TRIM24: variants seen among roughly 807,000 people sequenced by gnomAD.
TRIM24 encodes tripartite motif containing 24, also known as transcription intermediary factor 1-alpha.
A neutral mutation model predicts 123.9 loss-of-function variants in TRIM24; 29 were observed. The ratio of observed to expected loss-of-function variants is 0.23; its 90% CI spans 0.17 to 0.32. The LOEUF is 0.32. Among genes scored for constraint, TRIM24 ranks in the 10% least tolerant of loss-of-function variants. TRIM24 has a pLI of 1.00. For missense variants in TRIM24, 932 were observed against 1,295.3 expected (o/e 0.72, Z 4.31); for synonymous variants, 456 against 461.1 (o/e 0.99, Z 0.14).
chr7:138,560,445 G>A (rs530138799), intron 9 of TRIM24, among the ~76,000 whole-genome samples: 3 of 152,166 alleles, frequency 2.0e-5, no homozygotes, highest in East Asian at 1.9e-4. Flanking sequence ...TAACATGTAC[G>A]GATAGCCTCT....
chr7:138,557,543 T>G (rs1797339893), intron 9 of TRIM24, among the ~76,000 whole-genome samples: 1 of 152,158 alleles, frequency 6.6e-6, no homozygotes, highest in Admixed American at 6.6e-5. Flanking sequence ...AGGTTTTAAA[T>G]CCTCTGAGGG....
At chr7:138,510,364 T>C (rs1178529447) in intron 2 of TRIM24, among the ~76,000 whole-genome samples, 1 of 152,188 alleles carries the variant, frequency 6.6e-6, no homozygotes, top group African/African-American at 2.4e-5. Context: ...GTTATATGTA[T>C]GCACTGGAGA....
intron 1 of TRIM24, among the ~76,000 whole-genome samples, chr7:138,487,805 T>C (rs1795681807): frequency 6.6e-6 from 1 of 152,176 alleles, no homozygotes; most frequent in African/African-American, 2.4e-5. Flanking sequence ...TCTAAAATTC[T>C]CTTTTTTTGT....
intron 3 of TRIM24, among the ~76,000 whole-genome samples, chr7:138,516,747 C>T (rs1230067632): frequency 6.6e-6 from 1 of 151,514 alleles, no homozygotes; most frequent in Non-Finnish European, 1.5e-5. Flanking sequence ...ACTTATTTTA[C>T]TTAGCATAAT....
At chr7:138,562,058 C>G (rs1054325035) in intron 9 of TRIM24, among the ~76,000 whole-genome samples, 26 of 152,176 alleles carry the variant, frequency 1.7e-4, no homozygotes, top group African/African-American at 6.3e-4. Context: ...TTGGACTCTC[C>G]TGGAGCAGAT....
chr7:138,524,904 T>C (rs1796576766), intron 4 of TRIM24, among the ~76,000 whole-genome samples: 1 of 152,154 alleles, frequency 6.6e-6, no homozygotes, highest in Non-Finnish European at 1.5e-5. Context: ...GCTTGCATAA[T>C]GTAGAAATTA....
At chr7:138,470,881 T>C (rs1368890978) in intron 1 of TRIM24, among the ~76,000 whole-genome samples, 2 of 152,242 alleles carry the variant, frequency 1.3e-5, no homozygotes, top group African/African-American at 4.8e-5. Context: ...TGTGTGGAGT[T>C]GATGGAGCTT....
chr7:138,532,963 C>G (rs926387187), intron 6 of TRIM24, among the ~76,000 whole-genome samples: 1 of 152,110 alleles, frequency 6.6e-6, no homozygotes, highest in African/African-American at 2.4e-5. Flanking sequence ...GTATTTTATT[C>G]TCTTCGAAGC....
At chr7:138,461,218 C>T in intron 1 of TRIM24, 1 of 643,268 alleles carries the variant, frequency 1.6e-6, no homozygotes, top group Non-Finnish European at 2.9e-6. Flanking sequence ...CTGTCGGAGT[C>T]TCCTGCAGCC....
Position 138,579,543 on chromosome 7 carries a change from ACTTCC to A in TRIM24, c.2585+18_2585+22del. On this transcript the variant is annotated intron_variant, in intron 15 of 18. Coordinates refer to ENST00000343526, the MANE Select transcript of TRIM24 (RefSeq NM_015905.3). ...GACAAATTTTCCAAGGTAAGATAGTACTTCCCTTCCCACATTCTTTTACTGTAAAC... is the reference window on the plus strand; with the variant it reads ...GACAAATTTTCCAAGGTAAGATAGTACTTCCCACATTCTTTTACTGTAAAC... 6.4e-7 allele frequency: 1 copy of A among 1,562,850 alleles called. No homozygotes were observed. The highest frequency in any genetic ancestry group is 8.7e-7 in the Non-Finnish European group (1 of 1,149,990).
intron 6 of TRIM24, among the ~76,000 whole-genome samples, chr7:138,531,832 C>T (rs1796753831): frequency 6.6e-6 from 1 of 152,184 alleles, no homozygotes; most frequent in Non-Finnish European, 1.5e-5. Flanking sequence ...ACAGTCTCAC[C>T]AACAGTGTAA....
In TRIM24 at chr7:138,483,175, C is replaced by A. The variant is rs79993921; in HGVS notation, c.365-21115C>A. On this transcript the variant is annotated intron_variant, in intron 1 of 18. Coordinates refer to ENST00000343526, the MANE Select transcript of TRIM24 (RefSeq NM_015905.3). ...ACTCCTCTGGCCTCAAATGCCTACACTCCTCTGGCCTTGGCCTCCCAAAGT... is the reference window on the plus strand; with the variant it reads ...ACTCCTCTGGCCTCAAATGCCTACAATCCTCTGGCCTTGGCCTCCCAAAGT... Among the ~76,000 whole-genome samples, 647 of 152,132 alleles carry A rather than the reference C, an allele frequency of 4.3e-3. 6 individuals carry two copies. The highest frequency in any genetic ancestry group is 0.015 in the African/African-American group (632 of 41,492).
intron 2 of TRIM24, among the ~76,000 whole-genome samples, chr7:138,509,840 T>C (rs531397677): frequency 6.6e-6 from 1 of 151,406 alleles, no homozygotes; most frequent in African/African-American, 2.4e-5. Flanking sequence ...AGGGAACAAA[T>C]GCAAAAGGAT....
At chr7:138,515,485 GT>G in intron 3 of TRIM24, 126 bp downstream of exon 3, 2 of 1,150,080 alleles carry the variant, frequency 1.7e-6, no homozygotes, top group Non-Finnish European at 2.4e-6. Context: ...AGTAAAAGAG[GT>G]TTATATTATC....
At chr7:138,467,652 T>G (rs1795176524) in intron 1 of TRIM24, among the ~76,000 whole-genome samples, 1 of 152,220 alleles carries the variant, frequency 6.6e-6, no homozygotes, top group Non-Finnish European at 1.5e-5. Context: ...ATAATGTTCT[T>G]AACAATATTG....
rs1271179826 is a variant in TRIM24, at chr7:138,545,912, T to C, written c.1144-5151T>C. Among the ~76,000 whole-genome samples, 3 of 152,140 alleles carry C rather than the reference T, an allele frequency of 2.0e-5. No homozygotes were observed. In the South Asian group the frequency reaches 6.2e-4, roughly 31 times the overall value. On this transcript the variant is annotated intron_variant, in intron 7 of 18. Coordinates refer to ENST00000343526, the MANE Select transcript of TRIM24 (RefSeq NM_015905.3). ...ACTGAATTAAATAAGATTACATGAA[T>C]TCATAACATAAATCAGTAAACAGTA...
At chr7:138,568,409 T>C (rs867206911) in intron 10 of TRIM24, among the ~76,000 whole-genome samples, 5 of 117,322 alleles carry the variant, frequency 4.3e-5, no homozygotes, top group Non-Finnish European at 6.9e-5. Flanking sequence ...TTTTTTTTTT[T>C]AAAGTCTCTC....
chr7:138,519,105 T>C, intron 3 of TRIM24, 84 bp from the exon 4 acceptor site: 1 of 1,511,750 alleles, frequency 6.6e-7, no homozygotes, highest in Non-Finnish European at 9.1e-7. Flanking sequence ...TATCAATAGA[T>C]GTGAATTCAA....
At chr7:138,504,444 G>GTTTTTTTTTTTTTTTTTTTTTTTTTTTT (rs1563036659) in intron 2 of TRIM24, 36 bp downstream of exon 2, 1 of 603,602 alleles carries the variant, frequency 1.7e-6, no homozygotes. Context: ...TTGCCTGCCA[G>GTTTTTTTTTTTTTTTTTTTTTTTTTTTT]CTCTTTTTTT....
Sources: gnomAD v4.1 joint callset for allele counts (sites outside exome capture counted in the v4.1 genomes callset) on GRCh38, gnomAD v4.1.1 for gene constraint, MANE v1.5 for transcripts, NCBI Gene and HGNC (gene_info 2026-07-23, HGNC 2026-07-21) for gene names.